PCDHA7: variants seen among roughly 807,000 people sequenced by gnomAD.
PCDHA7 encodes the protein protocadherin alpha 7.
Under a neutral mutation model 57.2 loss-of-function variants are expected in PCDHA7, and 37 were observed. The ratio of observed to expected loss-of-function variants is 0.65; its 90% CI spans 0.50 to 0.85. The LOEUF (loss-of-function observed/expected upper bound fraction) is 0.85, where lower values mean the gene tolerates loss of function less well. PCDHA7 is among the 40% of genes least tolerant of loss of function. The pLI, the probability that PCDHA7 is intolerant of heterozygous loss-of-function variation, is 0.00. For synonymous variants in PCDHA7, 553 were observed against 558.8 expected, an observed-to-expected ratio of 0.99 and a Z score of 0.15; for missense variants, 1,188 against 1,241.8, an observed-to-expected ratio of 0.96 and a Z score of 0.65.
chr5:140,945,533 A>G (rs1007849839), intron 1 of PCDHA7, among the ~76,000 whole-genome samples: 2 of 152,084 alleles, frequency 1.3e-5, no homozygotes, highest in African/African-American at 4.8e-5. Flanking sequence ...AAAACAAAAC[A>G]TACAAACAAA....
chr5:140,985,977 G>A (rs1341198195), intron 3 of PCDHA7, among the ~76,000 whole-genome samples: 3 of 151,932 alleles, frequency 2.0e-5, no homozygotes, highest in African/African-American at 7.3e-5. Flanking sequence ...CTGACCTCGT[G>A]ATCCGCCCAC....
intron 1 of PCDHA7, among the ~76,000 whole-genome samples, chr5:140,978,377 G>GT (rs1554239246): frequency 6.6e-6 from 1 of 152,212 alleles, no homozygotes; most frequent in Non-Finnish European, 1.5e-5. Context: ...GCAATAGTTT[G>GT]TTTTCCTCTC....
intron 1 of PCDHA7, among the ~76,000 whole-genome samples, chr5:140,936,094 T>C (rs2090766117): frequency 6.6e-6 from 1 of 152,116 alleles, no homozygotes; most frequent in South Asian, 2.1e-4. Flanking sequence ...GGTTTCACCA[T>C]GTTGGCCAGG....
chr5:140,878,079 T>C (rs1453461494), intron 1 of PCDHA7: 1 of 346,026 alleles, frequency 2.9e-6, no homozygotes, highest in Non-Finnish European at 4.9e-6. Context: ...TTTTCTATAA[T>C]ATTTTATATG....
intron 1 of PCDHA7, among the ~76,000 whole-genome samples, chr5:140,942,479 A>G (rs1341688235): frequency 6.6e-6 from 1 of 152,154 alleles, no homozygotes; most frequent in East Asian, 1.9e-4. Flanking sequence ...TTCAAGCTAC[A>G]ACTGAAATAA....
intron 1 of PCDHA7, chr5:140,882,808 G>A (rs1554175666): frequency 6.2e-7 from 1 of 1,614,208 alleles, no homozygotes; most frequent in Non-Finnish European, 8.5e-7. Flanking sequence ...ATTTCACTTT[G>A]GACGCACAAA....
intron 3 of PCDHA7, among the ~76,000 whole-genome samples, chr5:140,999,590 C>T (rs951986017): frequency 3.3e-5 from 5 of 152,132 alleles, no homozygotes; most frequent in Non-Finnish European, 7.3e-5. Context: ...AAATTGCCTT[C>T]CCTACATCCT....
chr5:140,968,994 G>T (rs1182509201), intron 1 of PCDHA7: 2 of 1,614,098 alleles, frequency 1.2e-6, no homozygotes, highest in Non-Finnish European at 1.7e-6. Context: ...GCATGCTGTG[G>T]AGGCTTCTGT....
chr5:140,853,632 CA>C, intron 1 of PCDHA7: 1 of 988,598 alleles, frequency 1.0e-6, no homozygotes, highest in South Asian at 4.7e-5. Flanking sequence ...TACAAGATCA[CA>C]GACCTAAATT....
At chr5:140,858,313 G>A (rs781800844) in intron 1 of PCDHA7, 1 of 1,597,108 alleles carries the variant, frequency 6.3e-7, no homozygotes, top group Non-Finnish European at 8.6e-7. Flanking sequence ...GGCGGCAGAG[G>A]GTGTGTTCTG....
chr5:140,846,638 T>A (rs1554141417), intron 1 of PCDHA7, among the ~76,000 whole-genome samples: 1 of 149,216 alleles, frequency 6.7e-6, no homozygotes, highest in Non-Finnish European at 1.5e-5. Flanking sequence ...CCTCCTAAAG[T>A]GCTGGGATTA....
chr5:140,981,974 A>G (rs782298715), intron 2 of PCDHA7, among the ~76,000 whole-genome samples: 6 of 152,232 alleles, frequency 3.9e-5, no homozygotes, highest in Non-Finnish European at 8.8e-5. Context: ...AGATATAGAA[A>G]GAGTAAAATA....
chr5:140,851,284 A>G, intron 1 of PCDHA7: 1 of 1,040,350 alleles, frequency 9.6e-7, no homozygotes, highest in East Asian at 5.3e-5. Context: ...TTTATAAGAA[A>G]CCCAAGCAAA....
intron 1 of PCDHA7, among the ~76,000 whole-genome samples, chr5:140,965,730 C>T (rs1554227819): frequency 6.6e-6 from 1 of 152,166 alleles, no homozygotes; most frequent in East Asian, 1.9e-4. Flanking sequence ...AAAAATTTTA[C>T]CAGATTTTCC....
intron 1 of PCDHA7, chr5:140,926,357 A>G (rs1385567779): frequency 1.3e-5 from 2 of 152,178 alleles, no homozygotes; most frequent in Admixed American, 6.5e-5. Flanking sequence ...GCGGCTCCCA[A>G]AGGGCGGCAG....
At chr5:140,863,748 C>T (rs1221413981) in intron 1 of PCDHA7, 2 of 241,286 alleles carry the variant, frequency 8.3e-6, no homozygotes, top group South Asian at 5.4e-5. Flanking sequence ...TTTGTAATCC[C>T]GGCACTTTGG....
rs2150499479 is a variant in PCDHA7 at position 140,850,817 on chromosome 5, G to A, written c.2355+14079G>A. 3 of 1,598,296 alleles carry A rather than the reference G, an allele frequency of 1.9e-6. 1 individual carries two copies. The highest frequency in any genetic ancestry group is 2.6e-6 in the Non-Finnish European group (3 of 1,167,646). On this transcript the variant is annotated intron_variant, in intron 1 of 3. Transcript: ENST00000525929. ...AGACCGACCTCATGGCCTTCAGCCC[G>A]GGCCTTTCTCCTTGTGCTGGATCTA... is the stretch of plus-strand genomic sequence containing the variant.
intron 3 of PCDHA7, among the ~76,000 whole-genome samples, chr5:140,999,340 C>T (rs903484891): frequency 2.6e-5 from 4 of 152,146 alleles, no homozygotes; most frequent in African/African-American, 4.8e-5. Flanking sequence ...ATTTATAAGC[C>T]TTGTCTCTTT....
At chr5:140,849,862 C>G in intron 1 of PCDHA7, 1 of 1,598,598 alleles carries the variant, frequency 6.3e-7, no homozygotes, top group Non-Finnish European at 8.6e-7. Flanking sequence ...CCAGCGTTCG[C>G]GCAGTCCGAG....
Sources: gnomAD v4.1 joint callset for allele counts (sites outside exome capture counted in the v4.1 genomes callset) on GRCh38, gnomAD v4.1.1 for gene constraint, MANE v1.5 for transcripts, NCBI Gene and HGNC (gene_info 2026-07-23, HGNC 2026-07-21) for gene names.